FAM210A: variants seen among roughly 807,000 people sequenced by gnomAD.
FAM210A encodes mitochondrial inner membrane scaffold 1.
In FAM210A, 13 loss-of-function variants were observed where a neutral mutation model predicts 25.3. That is an observed-to-expected ratio of 0.51 (90% CI 0.33 to 0.82). The LOEUF is 0.82. Ranked by LOEUF, FAM210A falls within the 40% of genes least tolerant of loss-of-function variation. The pLI is 0.02. For synonymous variants in FAM210A, 125 were observed against 118.7 expected (o/e 1.05, Z -0.35); for missense variants, 319 against 323.2 (o/e 0.99, Z 0.10).
chr18:13,700,904 C>G (rs1288787928), intron 1 of FAM210A, among the ~76,000 whole-genome samples: 1 of 152,190 alleles, frequency 6.6e-6, no homozygotes, highest in Non-Finnish European at 1.5e-5. Context: ...TATAGCCAAT[C>G]CAGCTGTTTC....
At chr18:13,682,478 G>A (rs113647193) in intron 1 of FAM210A, among the ~76,000 whole-genome samples, 2 of 152,204 alleles carry the variant, frequency 1.3e-5, no homozygotes, top group Non-Finnish European at 2.9e-5. Flanking sequence ...TGAGGCAGAA[G>A]AATCACTTAA....
At position 13,674,226 on chromosome 18, in the gene FAM210A, C is replaced by G. The variant is rs1378037088; in HGVS notation, c.474-2253G>C. Among the ~76,000 whole-genome samples, 93 of 121,510 alleles carry G rather than the reference C, an allele frequency of 7.7e-4. 1 individual carries two copies. The South Asian group carries it at 0.01, about 13-fold the overall frequency. 79.7% of individuals were successfully genotyped at this position (121,510 alleles called of 152,430 possible). ...CCTGATTATTAACATTCCTGAGCCC[C>G]GACTTTATTTCCAGTTTCCTGATTA... On this transcript the variant is annotated intron_variant, in intron 2 of 3. Coordinates refer to ENST00000651643, the MANE Select transcript of FAM210A (RefSeq NM_152352.4).
intron 1 of FAM210A, among the ~76,000 whole-genome samples, chr18:13,707,997 AT>A (rs1352490369): frequency 6.6e-6 from 1 of 152,004 alleles, no homozygotes; most frequent in Non-Finnish European, 1.5e-5. Flanking sequence ...CGAATAGTTC[AT>A]TGCTCAGTTA....
intron 3 of FAM210A, among the ~76,000 whole-genome samples, chr18:13,669,739 T>C (rs546586351): frequency 6.6e-6 from 1 of 152,266 alleles, no homozygotes; most frequent in Admixed American, 6.5e-5. Flanking sequence ...CTTTGATTCG[T>C]TTATTCCCAG....
At position 13,665,359 on chromosome 18, in the gene FAM210A, G is replaced by A. The variant is rs1207534235; in HGVS notation, c.*1121C>T. 1 of 126,276 alleles carries A rather than the reference G, an allele frequency of 7.9e-6. No homozygotes were observed. Among genetic ancestry groups the A allele is most frequent in the African/African-American group, 3.0e-5 (1 of 33,652 alleles). The allele number at this position is 126,276 out of a possible 1,614,324, so 7.8% of individuals were successfully genotyped here. A position where few individuals can be genotyped will look rare whatever the true frequency, so the allele number is the denominator to read the frequency against. On this transcript the variant is annotated 3_prime_UTR_variant, in exon 4 of 4. Transcript: ENST00000651643. The stretch of plus-strand genomic sequence containing the variant: ...TGTACCATTGCACTCCAGTCTGGGA[G>A]AGAGAGAGGGAGGCTCCGTCTCAAA...
intron 1 of FAM210A, among the ~76,000 whole-genome samples, chr18:13,720,282 T>C (rs1035722843): frequency 1.3e-5 from 2 of 152,176 alleles, no homozygotes; most frequent in African/African-American, 4.8e-5. Context: ...TGCTGGGTCA[T>C]ATGGCCTGAG....
chr18:13,706,818 G>A (rs753514446), intron 1 of FAM210A, among the ~76,000 whole-genome samples: 35 of 152,142 alleles, frequency 2.3e-4, no homozygotes, highest in Non-Finnish European at 4.7e-4. Flanking sequence ...GAAGAAATAC[G>A]TCAAATGTAG....
intron 1 of FAM210A, among the ~76,000 whole-genome samples, chr18:13,698,351 C>CAA (rs11464991): frequency 0.36 from 26,032 of 72,610 alleles, 4,960 homozygotes; most frequent in East Asian, 0.77. Flanking sequence ...GACTCCATCT[C>CAA]AAAAAAAAAA....
intron 1 of FAM210A, among the ~76,000 whole-genome samples, chr18:13,698,351 C>CAAAAAAA (rs11464991): frequency 9.5e-4 from 69 of 72,564 alleles, no homozygotes; most frequent in Admixed American, 1.4e-3. Flanking sequence ...GACTCCATCT[C>CAAAAAAA]AAAAAAAAAA....
Position 13,681,993 on chromosome 18 carries a change from A to G in FAM210A, c.85T>C (p.Cys29Arg), listed in dbSNP as rs1446636819. ...AGTAAAGGTCCCTTTACATTTTGAC[A>G]GTGTCCAAAGAGACCAGCATTATGT... ...EPHNAGLFGH[C>R]QNVKGPLLLY... Residue 29 changes from cysteine (C) to arginine (R), a missense_variant, in exon 2 of 4, where the codon TGT becomes CGT. Physicochemically the swap from Cys to Arg is radical, Grantham distance 180. Coordinates refer to ENST00000651643, the MANE Select transcript of FAM210A (RefSeq NM_152352.4). 1.2e-6 allele frequency: 2 copies of G among 1,614,112 alleles called. No homozygotes were observed. The highest frequency in any genetic ancestry group is 2.7e-5 in the African/African-American group (2 of 74,942).
intron 2 of FAM210A, among the ~76,000 whole-genome samples, chr18:13,675,028 G>A (rs1282624559): frequency 5.5e-5 from 5 of 90,944 alleles, no homozygotes; most frequent in Non-Finnish European, 6.5e-5. Flanking sequence ...CTGAGCCCTG[G>A]CTTCTTTATT....
chr18:13,716,722 T>C (rs1158185016), intron 1 of FAM210A, among the ~76,000 whole-genome samples: 1 of 152,152 alleles, frequency 6.6e-6, no homozygotes, highest in Non-Finnish European at 1.5e-5. Flanking sequence ...TTAAAAATGG[T>C]ACTCTCCCCT....
At chr18:13,715,443 A>C (rs1481345047) in intron 1 of FAM210A, 4 of 152,240 alleles carry the variant, frequency 2.6e-5, no homozygotes, top group African/African-American at 9.6e-5. Context: ...ATACGGCCTC[A>C]GAATAGTGGA....
chr18:13,697,665 G>C (rs1014975284), intron 1 of FAM210A: 2 of 119,190 alleles, frequency 1.7e-5, no homozygotes, highest in African/African-American at 6.6e-5. Context: ...CTGGGAGACA[G>C]AGTGAGACTC....
At chr18:13,689,147 T>A (rs1012334157) in intron 1 of FAM210A, among the ~76,000 whole-genome samples, 2 of 152,214 alleles carry the variant, frequency 1.3e-5, no homozygotes, top group African/African-American at 4.8e-5. Flanking sequence ...CCTTATCTTG[T>A]GTAAAACGTA....
chr18:13,685,337 C>T (rs1188622388), intron 1 of FAM210A, among the ~76,000 whole-genome samples: 1 of 150,030 alleles, frequency 6.7e-6, no homozygotes, highest in Non-Finnish European at 1.5e-5. Flanking sequence ...TTTGTAAAGA[C>T]TCTATTAACA....
chr18:13,719,727 A>C (rs76132727), intron 1 of FAM210A, among the ~76,000 whole-genome samples: 1 of 2,012 alleles, frequency 5.0e-4, no homozygotes, highest in African/African-American at 2.1e-3. Flanking sequence ...TACATGAATT[A>C]AAAAAAAAAA....
chr18:13,686,743 T>C (rs1260779678), intron 1 of FAM210A, among the ~76,000 whole-genome samples: 1 of 152,206 alleles, frequency 6.6e-6, no homozygotes, highest in Non-Finnish European at 1.5e-5. Flanking sequence ...ACTAACCCTA[T>C]ATTCATTATT....
At chr18:13,724,868 G>C (rs548837028) in intron 1 of FAM210A, among the ~76,000 whole-genome samples, 3 of 152,254 alleles carry the variant, frequency 2.0e-5, no homozygotes, top group Non-Finnish European at 4.4e-5. Context: ...CCGCCTTCCG[G>C]GTTTAAGCGA....
Sources: allele counts gnomAD v4.1 joint callset (sites outside exome capture counted in the v4.1 genomes callset), GRCh38; gene constraint gnomAD v4.1.1; transcripts MANE v1.5; gene names NCBI Gene and HGNC (gene_info 2026-07-23, HGNC 2026-07-21).